LZTFL1: variants seen among roughly 807,000 people sequenced by gnomAD.
LZTFL1 encodes the protein leucine zipper transcription factor like 1.
In LZTFL1, 25 loss-of-function variants were observed where a neutral mutation model predicts 45.9. The observed-to-expected ratio is 0.54, with a 90% CI of 0.40 to 0.76. The LOEUF is 0.76. LZTFL1 is among the 30% of genes least tolerant of loss of function. The pLI is 0.00. For missense variants in LZTFL1, 277 were observed against 331.1 expected, an observed-to-expected ratio of 0.84 and a Z score of 1.27; for synonymous variants, 93 against 117.4, an observed-to-expected ratio of 0.79 and a Z score of 1.35.
intron 2 of LZTFL1, among the ~76,000 whole-genome samples, chr3:45,876,062 CG>C (rs1701745472): frequency 1.3e-5 from 2 of 152,278 alleles, no homozygotes; most frequent in South Asian, 4.1e-4. Flanking sequence ...CAACTTATTA[CG>C]GGATTTGAAT....
rs1163842537 is a variant in LZTFL1, at chr3:45,861,108, G to T, written c.-214-2092C>A. ...TGCTTAGGAGAGGCGATGGACACTA[G>T]AGAGGGCCCAGGAGTGGCATTTATT... On this transcript the variant is annotated intron_variant, in intron 2 of 4. Coordinates refer to the LZTFL1 transcript ENST00000472635. Among the ~76,000 whole-genome samples the T allele has an allele frequency of 3.3e-5, 5 of 151,862 alleles. No individual in the cohort carries two copies. In the East Asian group the frequency reaches 9.7e-4, roughly 29 times the overall value.
intron 2 of LZTFL1, among the ~76,000 whole-genome samples, chr3:45,888,205 C>CA (rs988004869): frequency 4.6e-5 from 7 of 152,224 alleles, no homozygotes; most frequent in African/African-American, 1.7e-4. Context: ...GCACATACCC[C>CA]ATGCTTTCTG....
intron 2 of LZTFL1, among the ~76,000 whole-genome samples, chr3:45,910,148 C>G (rs1702764463): frequency 6.6e-6 from 1 of 152,006 alleles, no homozygotes; most frequent in African/African-American, 2.4e-5. Flanking sequence ...ATCTCTAAAG[C>G]CCCCAGGAGA....
chr3:45,866,725 A>G (rs1210942317), intron 2 of LZTFL1, among the ~76,000 whole-genome samples: 1 of 152,236 alleles, frequency 6.6e-6, no homozygotes, highest in Non-Finnish European at 1.5e-5. Context: ...AATATAACCA[A>G]TAGTGCTGTA....
chr3:45,908,578 G>T (rs1359166175), intron 2 of LZTFL1, among the ~76,000 whole-genome samples: 1 of 151,914 alleles, frequency 6.6e-6, no homozygotes, highest in East Asian at 1.9e-4. Context: ...TCCCTGAGGA[G>T]GTAGCGTTTG....
At chr3:45,885,588 TG>T (rs1701957299) in intron 2 of LZTFL1, among the ~76,000 whole-genome samples, 1 of 152,204 alleles carries the variant, frequency 6.6e-6, no homozygotes, top group African/African-American at 2.4e-5. Context: ...TCTAAAGCAG[TG>T]CCTTTCAATA....
At chr3:45,907,364 C>T (rs1702703092) in intron 2 of LZTFL1, among the ~76,000 whole-genome samples, 1 of 152,242 alleles carries the variant, frequency 6.6e-6, no homozygotes, top group Non-Finnish European at 1.5e-5. Context: ...CCTGGACGAA[C>T]ACTGTGCCTG....
At chr3:45,899,441 T>A (rs1702473992) in intron 2 of LZTFL1, among the ~76,000 whole-genome samples, 1 of 152,252 alleles carries the variant, frequency 6.6e-6, no homozygotes, top group Middle Eastern at 3.2e-3. Context: ...CACAAAATCA[T>A]CTTTGTACTT....
chr3:45,902,033 T>A, intron 2 of LZTFL1: 1 of 765,880 alleles, frequency 1.3e-6, no homozygotes, highest in Non-Finnish European at 2.1e-6. Context: ...ATATGATTAC[T>A]TGTAGTCAGA....
chr3:45,874,944 C>T (rs1208768883), intron 2 of LZTFL1, among the ~76,000 whole-genome samples: 3 of 152,214 alleles, frequency 2.0e-5, no homozygotes, highest in Non-Finnish European at 4.4e-5. Flanking sequence ...AGTTAACTTT[C>T]TAGCTGGCTA....
At chr3:45,894,893 G>A in intron 2 of LZTFL1, 1 of 1,608,716 alleles carries the variant, frequency 6.2e-7, no homozygotes, top group Non-Finnish European at 8.5e-7. Context: ...TTTGATTTTT[G>A]TCCCTTTTCC....
intron 3 of LZTFL1, 30 bp from the exon 4 acceptor site, chr3:45,834,328 T>A (rs1700910058): frequency 7.1e-7 from 1 of 1,416,338 alleles, no homozygotes; most frequent in African/African-American, 1.4e-5. Context: ...ATAAAAATTA[T>A]TCATTTAAAA....
intron 2 of LZTFL1, among the ~76,000 whole-genome samples, chr3:45,892,981 T>A (rs1199944458): frequency 6.6e-6 from 1 of 152,166 alleles, no homozygotes; most frequent in Non-Finnish European, 1.5e-5. Flanking sequence ...TTTATTGAGG[T>A]CCAATTATAA....
intron 2 of LZTFL1, among the ~76,000 whole-genome samples, chr3:45,862,444 T>C (rs2125709923): frequency 6.6e-6 from 1 of 152,254 alleles, no homozygotes; most frequent in South Asian, 2.1e-4. Context: ...AAGTGCAACC[T>C]GCAGGACCAT....
intron 2 of LZTFL1, among the ~76,000 whole-genome samples, chr3:45,865,855 G>A (rs926144890): frequency 6.6e-6 from 1 of 152,308 alleles, no homozygotes. Flanking sequence ...TTATAACAGC[G>A]TTGTCTGTAA....
chr3:45,892,227 T>A (rs1385331420), intron 2 of LZTFL1, among the ~76,000 whole-genome samples: 1 of 152,150 alleles, frequency 6.6e-6, no homozygotes, highest in Non-Finnish European at 1.5e-5. Context: ...TAATTTAATC[T>A]TAAAAACATA....
intron 2 of LZTFL1, chr3:45,897,636 G>A (rs1406563390): frequency 1.3e-6 from 2 of 1,531,070 alleles, no homozygotes; most frequent in African/African-American, 2.7e-5. Flanking sequence ...CCTTAGCCCA[G>A]GACTAACACA....
intron 2 of LZTFL1, among the ~76,000 whole-genome samples, chr3:45,912,011 G>T (rs574940197): frequency 2.4e-4 from 37 of 152,370 alleles, no homozygotes; most frequent in Middle Eastern, 3.4e-3. Context: ...AGCCCCACCA[G>T]CTCCATCTGC....
At chr3:45,904,661 T>C (rs1233742653) in intron 2 of LZTFL1, among the ~76,000 whole-genome samples, 1 of 152,216 alleles carries the variant, frequency 6.6e-6, no homozygotes, top group African/African-American at 2.4e-5. Context: ...ATGGGTGGTA[T>C]CTTGGTTTCT....
Sources: allele counts gnomAD v4.1 joint callset (sites outside exome capture counted in the v4.1 genomes callset), GRCh38; gene constraint gnomAD v4.1.1; transcripts MANE v1.5; gene names NCBI Gene and HGNC (gene_info 2026-07-23, HGNC 2026-07-21).